C4orf50: variants seen among roughly 807,000 people sequenced by gnomAD.
C4orf50 encodes the protein uncharacterized protein C4orf50.
In C4orf50, 80 loss-of-function variants were observed where a neutral mutation model predicts 77.2. The ratio of observed to expected loss-of-function variants is 1.04; its 90% CI spans 0.87 to 1.25. C4orf50 has a LOEUF of 1.25. Among genes scored for constraint, C4orf50 ranks in the 50% most tolerant of loss-of-function variants. The pLI, the probability that C4orf50 is intolerant of heterozygous loss-of-function variation, is 0.00. For missense variants in C4orf50, 1,257 were observed against 1,152.9 expected (o/e 1.09, Z -1.31); for synonymous variants, 532 against 465.3 (o/e 1.14, Z -1.84).
In C4orf50 at chr4:6,017,903, C is replaced by G. The variant is rs73071544; in HGVS notation, c.287+242G>C. Among the ~76,000 whole-genome samples the G allele has an allele frequency of 0.026, 3,920 of 152,276 alleles. 107 individuals are homozygous for G. Among genetic ancestry groups the G allele is most frequent in the African/African-American group, 0.068 (2,836 of 41,542 alleles). On this transcript the variant is annotated intron_variant, in intron 23 of 33. Transcript: ENST00000531445. This position sits in a 1 kb window ranked among gnomAD's most constrained non-coding sequence, Gnocchi z 4.7. ...TGCCTCCCTCCGTTTCAGGGCCTCC[C>G]ATTGGCTGCACCTAAATGGAAGCCT... is the stretch of plus-strand genomic sequence containing the variant.
At position 6,003,880 on chromosome 4, in the gene C4orf50, GGTGATT is replaced by G. The variant is rs1560598090; in HGVS notation, c.963+4110_963+4115del. 7.8e-3 allele frequency among the ~76,000 whole-genome samples: 1,030 copies of G among 131,836 alleles called. 24 individuals carry two copies. The highest frequency in any genetic ancestry group is 0.011 in the Non-Finnish European group (661 of 61,412). 86.5% of individuals were successfully genotyped at this position (131,836 alleles called of 152,430 possible). On this transcript the variant is annotated intron_variant, in intron 25 of 33. Coordinates refer to ENST00000531445, the Ensembl canonical transcript of C4orf50. ...TGATGGTGATGGTGATGATGGTGAT[GGTGATT>G]ATGGTGATGATGTGATGGTGATGTT...
intron 25 of C4orf50, among the ~76,000 whole-genome samples, chr4:6,001,312 G>C (rs574481094): frequency 6.6e-6 from 1 of 152,316 alleles, no homozygotes; most frequent in East Asian, 1.9e-4. Flanking sequence ...ACCATGCCCA[G>C]ATAATTTTTG....
chr4:5,945,725 C>A (rs1456556214), intron 7 of C4orf50, among the ~76,000 whole-genome samples: 1 of 152,198 alleles, frequency 6.6e-6, no homozygotes, highest in Non-Finnish European at 1.5e-5. Flanking sequence ...TTCTATTAAT[C>A]ATTTGAAGGA....
intron 30 of C4orf50, 109 bp downstream of exon 8, chr4:5,975,790 T>C: frequency 1.1e-6 from 1 of 878,464 alleles, no homozygotes; most frequent in Non-Finnish European, 1.9e-6. Context: ...TGCCTGGCCC[T>C]ACCCAGACTT....
At chr4:5,943,009 G>C (rs919623596) in intron 7 of C4orf50, among the ~76,000 whole-genome samples, 5 of 152,062 alleles carry the variant, frequency 3.3e-5, no homozygotes, top group African/African-American at 1.2e-4. Context: ...GAAAAATGTT[G>C]TTTAAAATAT....
At chr4:5,973,918 G>A (rs775704940) in intron 30 of C4orf50, 77 bp from the exon 9 acceptor site, 3 of 1,174,576 alleles carry the variant, frequency 2.6e-6, no homozygotes, top group Admixed American at 2.4e-5. Context: ...GGGGCCGGAG[G>A]GTCAGCTGAG....
At chr4:5,991,725 GAGA>G (rs1721307096) in intron 27 of C4orf50, among the ~76,000 whole-genome samples, 1 of 152,142 alleles carries the variant, frequency 6.6e-6, no homozygotes. Context: ...AGACACAGAA[GAGA>G]AGGACAGAGG....
chr4:5,967,208 G>A (rs540286679), intron 32 of C4orf50, among the ~76,000 whole-genome samples: 102 of 152,290 alleles, frequency 6.7e-4, no homozygotes, highest in African/African-American at 2.2e-3. Context: ...GAATTTGAAC[G>A]TTTCTGTTTT....
rs1420564746 is a variant in C4orf50, at chr4:6,008,536, C to A, written c.427-4G>T. The A allele has an allele frequency of 5.0e-6, 2 of 397,920 alleles. No individual in the cohort carries two copies. The highest frequency in any genetic ancestry group is 7.1e-5 in the East Asian group (2 of 28,032). The allele number at this position is 397,920 out of a possible 1,614,324, so 24.6% of individuals were successfully genotyped here. On this transcript the variant is annotated splice_polypyrimidine_tract_variant and splice_region_variant and intron_variant, in intron 24 of 33. Transcript: ENST00000531445. The surrounding 1 kb of genome is among the most constrained non-coding windows in gnomAD (Gnocchi z 6.0). ...TGGCCACGCTCTCCTCCCGGATCTA[C>A]AAGTTGGCGGTGGATGAGGGCGTCA...
intron 28 of C4orf50, among the ~76,000 whole-genome samples, chr4:5,987,968 T>G (rs1464272570): frequency 6.6e-6 from 1 of 152,204 alleles, no homozygotes; most frequent in African/African-American, 2.4e-5. Flanking sequence ...CAAGACCCAA[T>G]GTACAGAATT....
At chr4:6,004,042 G>GTGA (rs1175228100) in intron 25 of C4orf50, among the ~76,000 whole-genome samples, 138 of 21,656 alleles carry the variant, frequency 6.4e-3, no homozygotes, top group African/African-American at 0.017. Flanking sequence ...AGTGATGATG[G>GTGA]TGATGGTGAT....
intron 33 of C4orf50, among the ~76,000 whole-genome samples, chr4:5,960,799 G>A (rs1447253549): frequency 1.3e-5 from 2 of 152,164 alleles, no homozygotes; most frequent in Admixed American, 6.5e-5. Flanking sequence ...TGTTTAAAAC[G>A]CAAGGTCATT....
At chr4:5,922,569 A>G (rs4510421) in intron 7 of C4orf50, among the ~76,000 whole-genome samples, 120,102 of 151,616 alleles carry the variant, frequency 0.79, 47,649 homozygotes, top group East Asian at 0.84. Context: ...TGCCATGGGT[A>G]ACTCTGCAGA....
Position 5,908,862 on chromosome 4 carries a change from T to C in C4orf50, c.*2475-10674A>G, listed in dbSNP as rs1314096893. On this transcript the variant is annotated intron_variant, in intron 7 of 7. Transcript: ENST00000324058. This position sits in a 1 kb window ranked among gnomAD's most constrained non-coding sequence, Gnocchi z 5.6. ...TCTGTAAATCAAAGAAGAACCAGCC[T>C]GACCTACTTCAAAGATTTAAAATGC... Among the ~76,000 whole-genome samples the C allele has an allele frequency of 1.3e-5, 2 of 152,170 alleles. No individual in the cohort carries two copies. Among genetic ancestry groups the C allele is most frequent in the Non-Finnish European group, 2.9e-5 (2 of 68,018 alleles).
intron 31 of C4orf50, among the ~76,000 whole-genome samples, chr4:5,969,963 A>G (rs2108771637): frequency 6.6e-6 from 1 of 152,188 alleles, no homozygotes; most frequent in Non-Finnish European, 1.5e-5. Flanking sequence ...GCCAGCTGCC[A>G]TCTTAGCCAG....
intron 7 of C4orf50, among the ~76,000 whole-genome samples, chr4:5,944,632 G>A (rs1187180560): frequency 6.6e-6 from 1 of 151,978 alleles, no homozygotes; most frequent in African/African-American, 2.4e-5. Flanking sequence ...CCCACGCCTG[G>A]CCTGTGCTGG....
At chr4:5,976,031 G>T in intron 29 of C4orf50, 76 bp from the exon 8 acceptor site, 2 of 1,208,830 alleles carry the variant, frequency 1.7e-6, no homozygotes, top group Non-Finnish European at 2.5e-6. Flanking sequence ...GGCAAGCTGG[G>T]CTCAGAACAG....
downstream of C4orf50, among the ~76,000 whole-genome samples, chr4:5,956,543 A>G (rs1168662956): frequency 3.9e-5 from 6 of 152,212 alleles, no homozygotes; most frequent in Admixed American, 1.3e-4. Context: ...GCTCAAGCAG[A>G]AGGCCTCCCG....
chr4:5,932,495 G>A lies in C4orf50; in HGVS notation c.*2474+24406C>T, dbSNP rs1577902717. On this transcript the variant is annotated intron_variant, in intron 7 of 7. Transcript: ENST00000324058. The surrounding 1 kb of genome is among the most constrained non-coding windows in gnomAD (Gnocchi z 4.2). ...TTTGGAGCCTGGCTGGAGTGCCGTG[G>A]CTCCATCACAGTTCACTGCAGCCTC... Among the ~76,000 whole-genome samples the A allele has an allele frequency of 6.6e-6, 1 of 152,284 alleles. No homozygotes were observed. The highest frequency in any genetic ancestry group is 1.5e-5 in the Non-Finnish European group (1 of 68,028).
Sources: gnomAD v4.1 joint callset for allele counts (sites outside exome capture counted in the v4.1 genomes callset) on GRCh38, gnomAD v4.1.1 for gene constraint, Gnocchi (gnomAD v3.1) non-coding constraint, MANE v1.5 for transcripts, NCBI Gene and HGNC (gene_info 2026-07-23, HGNC 2026-07-21) for gene names.